Variants in AUTS2 observed in about 807,000 individuals in gnomAD.
AUTS2 encodes autism susceptibility gene 2 protein.
In AUTS2, 17 loss-of-function variants were observed where a neutral mutation model predicts 112.4. The observed-to-expected ratio is 0.15, with a 90% confidence interval of 0.10 to 0.23. AUTS2 has a LOEUF of 0.23. AUTS2 is among the 10% of genes least tolerant of loss of function. The probability of loss-of-function intolerance (pLI) is 1.00; values close to 1 mark genes in which losing one functional copy is unlikely to be tolerated. For missense variants in AUTS2, 1,510 were observed against 1,701.6 expected, an observed-to-expected ratio of 0.89 and a Z score of 1.98; for synonymous variants, 751 against 702.7, an observed-to-expected ratio of 1.07 and a Z score of -1.09.
rs1013386198 is a variant in AUTS2 at position 70,512,594 on chromosome 7, G to A, written c.690+76813G>A. 1.1e-4 allele frequency among the ~76,000 whole-genome samples: 17 copies of A among 152,086 alleles called. 1 individual carries two copies. Among genetic ancestry groups the A allele is most frequent in the Non-Finnish European group, 1.8e-4 (12 of 68,014 alleles). Reference sequence around the variant, plus strand: ...ACTGTCAGCTGACATGATTTGGGGTGAGCTTTAAAGGACTAAAGGACTCCC... The same window carrying A: ...ACTGTCAGCTGACATGATTTGGGGTAAGCTTTAAAGGACTAAAGGACTCCC... On this transcript the variant is annotated intron_variant, in intron 5 of 18. Coordinates refer to ENST00000342771, the MANE Select transcript of AUTS2 (RefSeq NM_015570.4).
At chr7:70,567,618 A>G (rs1801759117) in intron 5 of AUTS2, among the ~76,000 whole-genome samples, 1 of 152,212 alleles carries the variant, frequency 6.6e-6, no homozygotes, top group South Asian at 2.1e-4. Flanking sequence ...AACACATGTG[A>G]CTTTTTAATT....
At chr7:70,404,898 G>T (rs1357538210) in intron 4 of AUTS2, among the ~76,000 whole-genome samples, 1 of 151,970 alleles carries the variant, frequency 6.6e-6, no homozygotes, top group Non-Finnish European at 1.5e-5. Context: ...GGAATGGGAG[G>T]GCATTGGCAT....
chr7:70,222,005 A>G (rs902753108), intron 4 of AUTS2, among the ~76,000 whole-genome samples: 4 of 152,250 alleles, frequency 2.6e-5, no homozygotes, highest in Non-Finnish European at 5.9e-5. Context: ...TTTGCCAGAG[A>G]AAAGTATATG....
chr7:70,045,137 G>A (rs560973346), intron 2 of AUTS2, among the ~76,000 whole-genome samples: 2 of 152,266 alleles, frequency 1.3e-5, no homozygotes, highest in East Asian at 3.9e-4. Context: ...TTACATAGAT[G>A]TGATCTTTTT....
At chr7:69,748,011 G>A (rs376663781) in intron 1 of AUTS2, among the ~76,000 whole-genome samples, 35 of 151,506 alleles carry the variant, frequency 2.3e-4, no homozygotes, top group Admixed American at 1.4e-3. Flanking sequence ...AAGCCAAATC[G>A]AATCTAGATA....
At chr7:69,968,403 A>G (rs1797714614) in intron 2 of AUTS2, among the ~76,000 whole-genome samples, 1 of 152,178 alleles carries the variant, frequency 6.6e-6, no homozygotes, top group South Asian at 2.1e-4. Context: ...TTAACATACC[A>G]TTTCTGGACT....
At chr7:70,203,163 G>GAAGGGGAAT (rs1366451341) in intron 4 of AUTS2, among the ~76,000 whole-genome samples, 72 of 123,792 alleles carry the variant, frequency 5.8e-4, no homozygotes, top group African/African-American at 2.1e-3. Context: ...ATGGACACAG[G>GAAGGGGAAT]AAGGGGAATA....
intron 4 of AUTS2, among the ~76,000 whole-genome samples, chr7:70,339,316 TTC>T (rs1167311667): frequency 6.6e-6 from 1 of 152,238 alleles, no homozygotes; most frequent in Non-Finnish European, 1.5e-5. Context: ...GTATGAAAGT[TTC>T]TGTTTCTTTA....
intron 1 of AUTS2, among the ~76,000 whole-genome samples, chr7:69,772,412 G>A (rs1788707997): frequency 3.3e-5 from 5 of 152,138 alleles, no homozygotes; most frequent in Admixed American, 3.3e-4. Flanking sequence ...AGAGGTATAA[G>A]GTCCTTTCTG....
chr7:70,420,494 G>C (rs996751609), intron 4 of AUTS2, among the ~76,000 whole-genome samples: 1 of 152,150 alleles, frequency 6.6e-6, no homozygotes, highest in Non-Finnish European at 1.5e-5. Flanking sequence ...TGCCATAGAA[G>C]TGCTTATTGA....
intron 6 of AUTS2, among the ~76,000 whole-genome samples, chr7:70,746,993 T>A (rs1296694447): frequency 6.6e-6 from 1 of 152,140 alleles, no homozygotes. Flanking sequence ...AAACAATGGA[T>A]GCTGTGATTC....
rs572051603 is a variant in AUTS2 at position 70,766,556 on chromosome 7, C to T, written c.1689+222C>T. Reference sequence around the variant, plus strand: ...TTCTAGGCAGTTGTATCCAGCACTGCGGGCGGAAATGATTCCATCTGCCCT... The same window carrying T: ...TTCTAGGCAGTTGTATCCAGCACTGTGGGCGGAAATGATTCCATCTGCCCT... On this transcript the variant is annotated intron_variant, in intron 9 of 18. Transcript: ENST00000342771. The surrounding 1 kb of genome is among the most constrained non-coding windows in gnomAD (Gnocchi z 4.8). Among the ~76,000 whole-genome samples the T allele has an allele frequency of 1.3e-3, 194 of 152,246 alleles. No homozygotes were observed. Among genetic ancestry groups the T allele is most frequent in the African/African-American group, 4.3e-3 (177 of 41,552 alleles).
chr7:70,228,757 T>A (rs922296049), intron 4 of AUTS2, among the ~76,000 whole-genome samples: 1 of 151,932 alleles, frequency 6.6e-6, no homozygotes, highest in Non-Finnish European at 1.5e-5. Flanking sequence ...TTATAGCTAT[T>A]ATTATCACAT....
chr7:70,594,564 A>G (rs2129528934), intron 5 of AUTS2, among the ~76,000 whole-genome samples: 1 of 152,118 alleles, frequency 6.6e-6, no homozygotes, highest in Admixed American at 6.5e-5. Context: ...GCCCTTCTAG[A>G]CTCTGTGTAT....
chr7:70,248,425 T>C (rs1162108775), intron 4 of AUTS2, among the ~76,000 whole-genome samples: 1 of 152,132 alleles, frequency 6.6e-6, no homozygotes, highest in Non-Finnish European at 1.5e-5. Context: ...TGCCCAGCCA[T>C]GTCTCTGTGT....
intron 4 of AUTS2, among the ~76,000 whole-genome samples, chr7:70,171,405 G>A (rs1280144504): frequency 6.6e-6 from 1 of 152,148 alleles, no homozygotes; most frequent in African/African-American, 2.4e-5. Context: ...CTAGATTGTT[G>A]CCATTAACCA....
chr7:70,216,689 TA>T (rs1261978053), intron 4 of AUTS2, among the ~76,000 whole-genome samples: 1 of 152,216 alleles, frequency 6.6e-6, no homozygotes. Context: ...GTATACATTC[TA>T]CACTGGCTTC....
rs140960965 is a variant in AUTS2, at chr7:69,798,435, T to G, written c.310-100851T>G. Among the ~76,000 whole-genome samples, 319 of 152,296 alleles carry G rather than the reference T, an allele frequency of 2.1e-3. 1 individual carries two copies. Among genetic ancestry groups the G allele is most frequent in the African/African-American group, 7.3e-3 (305 of 41,560 alleles). ...TCTTTCAGTTCCATATGCCTTTCCT[T>G]TCCCCTGGGATGCTGGAGTATTCAG... On this transcript the variant is annotated intron_variant, in intron 1 of 18. Transcript: ENST00000342771.
chr7:69,680,734 G>C (rs955304630), intron 1 of AUTS2, among the ~76,000 whole-genome samples: 23 of 152,176 alleles, frequency 1.5e-4, no homozygotes, highest in African/African-American at 5.3e-4. Context: ...CAGTGGTATG[G>C]TTTCGGCTCA....
Sources: allele counts gnomAD v4.1 joint callset (sites outside exome capture counted in the v4.1 genomes callset), GRCh38; gene constraint gnomAD v4.1.1; non-coding constraint Gnocchi (gnomAD v3.1); transcripts MANE v1.5; gene names NCBI Gene and HGNC (gene_info 2026-07-23, HGNC 2026-07-21).